Variants in CLSTN2 observed in about 807,000 individuals in gnomAD.
CLSTN2 encodes the protein calsyntenin-2.
A neutral mutation model predicts 101.2 loss-of-function variants in CLSTN2; 48 were observed. The ratio of observed to expected loss-of-function variants is 0.47; its 90% CI spans 0.38 to 0.60. The LOEUF is 0.60. Among genes scored for constraint, CLSTN2 ranks in the 20% least tolerant of loss-of-function variants. The pLI, the probability that CLSTN2 is intolerant of heterozygous loss-of-function variation, is 0.00. For synonymous variants in CLSTN2, 481 were observed against 463.6 expected, an observed-to-expected ratio of 1.04 and a Z score of -0.48; for missense variants, 1,160 against 1,238.2, an observed-to-expected ratio of 0.94 and a Z score of 0.95.
At chr3:140,163,704 C>T (rs552475143) in intron 1 of CLSTN2, among the ~76,000 whole-genome samples, 2 of 150,738 alleles carry the variant, frequency 1.3e-5, no homozygotes, top group South Asian at 4.2e-4. Flanking sequence ...ATCTAGGAGC[C>T]GTGGCCTTGC....
chr3:140,226,116 T>C (rs2086317655), intron 2 of CLSTN2, among the ~76,000 whole-genome samples: 1 of 151,968 alleles, frequency 6.6e-6, no homozygotes, highest in South Asian at 2.1e-4. Flanking sequence ...AAAAAGCCAA[T>C]CCCAAAAGCC....
At chr3:140,558,957 C>T (rs911953982) in intron 12 of CLSTN2, 100 bp downstream of exon 12, 20 of 914,990 alleles carry the variant, frequency 2.2e-5, no homozygotes, top group African/African-American at 1.2e-4. Flanking sequence ...GTAATGTATA[C>T]ATGGCTTAAA....
At chr3:140,053,616 T>A (rs1560080666) in intron 1 of CLSTN2, among the ~76,000 whole-genome samples, 1 of 152,182 alleles carries the variant, frequency 6.6e-6, no homozygotes, top group Non-Finnish European at 1.5e-5. Flanking sequence ...GCTTTTCACG[T>A]TTGACTGTCT....
At chr3:140,549,332 G>A (rs1230037373) in intron 10 of CLSTN2, among the ~76,000 whole-genome samples, 1 of 151,208 alleles carries the variant, frequency 6.6e-6, no homozygotes, top group Non-Finnish European at 1.5e-5. Flanking sequence ...AAAAGAGGAG[G>A]TGCTAAAATA....
chr3:140,390,683 G>A (rs2088104691), intron 2 of CLSTN2, among the ~76,000 whole-genome samples: 1 of 152,186 alleles, frequency 6.6e-6, no homozygotes, highest in African/African-American at 2.4e-5. Context: ...TGATTGTGGA[G>A]TGTCTATTTC....
chr3:140,106,179 A>G (rs1404422388), intron 1 of CLSTN2, among the ~76,000 whole-genome samples: 1 of 152,162 alleles, frequency 6.6e-6, no homozygotes, highest in Non-Finnish European at 1.5e-5. Context: ...TCCCTGAGTA[A>G]CAGATTCCCT....
intron 1 of CLSTN2, among the ~76,000 whole-genome samples, chr3:139,980,164 C>T (rs545181077): frequency 1.3e-5 from 2 of 152,182 alleles, no homozygotes; most frequent in South Asian, 4.2e-4. Flanking sequence ...TCTGAAAATG[C>T]AAACCTTAAA....
At chr3:140,431,253 A>G (rs2088625357) in intron 5 of CLSTN2, among the ~76,000 whole-genome samples, 2 of 152,142 alleles carry the variant, frequency 1.3e-5, no homozygotes, top group Non-Finnish European at 2.9e-5. Flanking sequence ...AGGCTTGAAG[A>G]CTGTCCATCT....
intron 2 of CLSTN2, among the ~76,000 whole-genome samples, chr3:140,231,436 C>T (rs141530929): frequency 1.5e-3 from 221 of 152,230 alleles, no homozygotes; most frequent in Non-Finnish European, 2.7e-3. Context: ...TTAACCATCA[C>T]AAAAATACCA....
At chr3:139,941,951 GGA>G (rs1935139025) in intron 1 of CLSTN2, among the ~76,000 whole-genome samples, 1 of 152,174 alleles carries the variant, frequency 6.6e-6, no homozygotes, top group Non-Finnish European at 1.5e-5. Context: ...TTTTTACAGA[GGA>G]GTAAACTGAG....
intron 5 of CLSTN2, 148 bp downstream of exon 5, chr3:140,421,422 A>G (rs967302139): frequency 1.1e-6 from 1 of 944,930 alleles, no homozygotes; most frequent in Non-Finnish European, 1.6e-6. Flanking sequence ...TATTCTCACA[A>G]CTCTTAGGTG....
At chr3:140,049,918 A>G (rs1427443941) in intron 1 of CLSTN2, among the ~76,000 whole-genome samples, 2 of 152,152 alleles carry the variant, frequency 1.3e-5, no homozygotes, top group Non-Finnish European at 2.9e-5. Context: ...TTTGGGCCCC[A>G]GGATCCTGAC....
chr3:140,400,041 T>G (rs1348177383), intron 2 of CLSTN2, among the ~76,000 whole-genome samples: 1 of 152,154 alleles, frequency 6.6e-6, no homozygotes, highest in Non-Finnish European at 1.5e-5. Context: ...AGTGATTGGC[T>G]AATACAGGAT....
intron 2 of CLSTN2, among the ~76,000 whole-genome samples, chr3:140,330,239 A>C (rs1272305034): frequency 6.6e-6 from 1 of 152,208 alleles, no homozygotes; most frequent in Non-Finnish European, 1.5e-5. Context: ...ATGACTCTTC[A>C]ACCCGCCTGA....
At chr3:140,232,897 C>G (rs1576476774) in intron 2 of CLSTN2, among the ~76,000 whole-genome samples, 1 of 152,232 alleles carries the variant, frequency 6.6e-6, no homozygotes, top group Non-Finnish European at 1.5e-5. Context: ...CCAGCTCTTT[C>G]CTGGGTGACT....
At chr3:140,205,614 A>ACCCAC (rs1286516086) in intron 2 of CLSTN2, among the ~76,000 whole-genome samples, 1 of 66,798 alleles carries the variant, frequency 1.5e-5, no homozygotes, top group Non-Finnish European at 3.5e-5. Flanking sequence ...TTTGGACCTG[A>ACCCAC]CCCGCCCCCC....
chr3:140,396,300 T>C lies in CLSTN2; in HGVS notation c.233-7329T>C, dbSNP rs139993647. On this transcript the variant is annotated intron_variant, in intron 2 of 16. Transcript: ENST00000458420. The stretch of plus-strand genomic sequence containing the variant: ...AGAAAAAAATGTGTGTAATAAACTG[T>C]GGCTGATAGGTGCAAGGTGCTTCAA... Among the ~76,000 whole-genome samples, 14 of 152,298 alleles carry C rather than the reference T, an allele frequency of 9.2e-5. No individual in the cohort carries two copies. In the East Asian group the frequency reaches 2.7e-3, roughly 29 times the overall value.
At chr3:140,227,121 A>G (rs1331569155) in intron 2 of CLSTN2, among the ~76,000 whole-genome samples, 2 of 152,176 alleles carry the variant, frequency 1.3e-5, no homozygotes, top group African/African-American at 4.8e-5. Context: ...CGTTAACTCA[A>G]AAGTCCACAG....
intron 2 of CLSTN2, among the ~76,000 whole-genome samples, chr3:140,254,866 C>CCTACA (rs1162938064): frequency 6.6e-6 from 1 of 152,038 alleles, no homozygotes; most frequent in African/African-American, 2.4e-5. Context: ...CACAAGTAAA[C>CCTACA]AGACAACCTA....
Sources: allele counts gnomAD v4.1 joint callset (sites outside exome capture counted in the v4.1 genomes callset), GRCh38; gene constraint gnomAD v4.1.1; transcripts MANE v1.5; gene names NCBI Gene and HGNC (gene_info 2026-07-23, HGNC 2026-07-21).